The following ABI3BP variants were observed in gnomAD, a reference collection of about 807,000 sequenced individuals.
ABI3BP encodes target of Nesh-SH3.
Under a neutral mutation model 268.6 loss-of-function variants are expected in ABI3BP, and 216 were observed. The ratio of observed to expected loss-of-function variants is 0.80; its 90% confidence interval spans 0.72 to 0.90. ABI3BP has a LOEUF of 0.90. Ranked by LOEUF, ABI3BP falls within the 40% of genes least tolerant of loss-of-function variation. The pLI is 0.00. For synonymous variants in ABI3BP, 730 were observed against 730.0 expected (o/e 1.00, Z 0.00); for missense variants, 2,090 against 2,182.4 (o/e 0.96, Z 0.84).
intron 1 of ABI3BP, among the ~76,000 whole-genome samples, chr3:100,933,590 GA>G (rs914766486): frequency 1.3e-3 from 144 of 111,998 alleles, no homozygotes; most frequent in Admixed American, 3.9e-3. Flanking sequence ...GAACTAACAA[GA>G]AAAAAAAAAG....
At position 100,955,411 on chromosome 3, in the gene ABI3BP, T is replaced by A. The variant is rs557756648; in HGVS notation, c.80-28930A>T. Among the ~76,000 whole-genome samples the A allele has an allele frequency of 2.0e-5, 3 of 152,362 alleles. No individual in the cohort carries two copies. In the South Asian group the frequency reaches 6.2e-4, roughly 32 times the overall value. On this transcript the variant is annotated intron_variant, in intron 1 of 67. Transcript: ENST00000471714. ...CAACATGTTCATTGGGACTATTTTT[T>A]TGCCCTGTAAATGATATTGGATGAT... is the stretch of plus-strand genomic sequence containing the variant.
chr3:100,958,998 C>T (rs2595893), intron 1 of ABI3BP, among the ~76,000 whole-genome samples: 131,864 of 152,186 alleles, frequency 0.87, 57,240 homozygotes, highest in East Asian at 1. Flanking sequence ...GAGCATAAAC[C>T]TAACCCCACG....
intron 66 of ABI3BP, 87 bp from the exon 67 acceptor site, chr3:100,751,761 TTTC>T: frequency 7.5e-7 from 1 of 1,332,818 alleles, no homozygotes; most frequent in Non-Finnish European, 1.0e-6. Context: ...GTTTTTGTAC[TTTC>T]TCCCCTCATT....
At chr3:100,912,547 A>AT (rs1418725003) in intron 2 of ABI3BP, among the ~76,000 whole-genome samples, 1 of 152,118 alleles carries the variant, frequency 6.6e-6, no homozygotes, top group Non-Finnish European at 1.5e-5. Flanking sequence ...CACCCACAGA[A>AT]TTAAAAAAAA....
At chr3:100,975,938 C>T (rs956710741) in intron 1 of ABI3BP, among the ~76,000 whole-genome samples, 1 of 152,118 alleles carries the variant, frequency 6.6e-6, no homozygotes, top group Non-Finnish European at 1.5e-5. Context: ...CCTGACTGGC[C>T]GAGGAACTGG....
intron 1 of ABI3BP, among the ~76,000 whole-genome samples, chr3:100,961,324 G>A (rs922478645): frequency 6.6e-6 from 1 of 152,170 alleles, no homozygotes; most frequent in Admixed American, 6.5e-5. Context: ...AGCAAGAAAT[G>A]CTCTCTCCCA....
At chr3:100,981,550 A>G (rs958692915) in intron 1 of ABI3BP, among the ~76,000 whole-genome samples, 6 of 152,228 alleles carry the variant, frequency 3.9e-5, no homozygotes, top group Non-Finnish European at 8.8e-5. Flanking sequence ...AGACTGCAGC[A>G]GGCATCCAGG....
chr3:100,934,278 C>T (rs1224431456), intron 1 of ABI3BP, among the ~76,000 whole-genome samples: 1 of 151,990 alleles, frequency 6.6e-6, no homozygotes, highest in Non-Finnish European at 1.5e-5. Flanking sequence ...TGATGGTTTC[C>T]AGCATCATCC....
intron 15 of ABI3BP, 34 bp downstream of exon 15, chr3:100,851,841 G>A: frequency 1.3e-6 from 2 of 1,534,030 alleles, no homozygotes; most frequent in South Asian, 2.5e-5. Flanking sequence ...GGAACACCTG[G>A]GATCCAAAGA....
At chr3:100,884,271 T>TA (rs201463888) in intron 6 of ABI3BP, among the ~76,000 whole-genome samples, 1,704 of 150,604 alleles carry the variant, frequency 0.011, 42 homozygotes, top group African/African-American at 0.039. Context: ...ACAGACAAGT[T>TA]AAAAAAAAGA....
intron 15 of ABI3BP, among the ~76,000 whole-genome samples, chr3:100,851,578 C>T (rs556686613): frequency 1.3e-5 from 2 of 152,314 alleles, no homozygotes; most frequent in African/African-American, 4.8e-5. Context: ...CCTCTAGAAA[C>T]TCGAAGACCT....
intron 4 of ABI3BP, among the ~76,000 whole-genome samples, chr3:100,891,759 A>G (rs966019533): frequency 6.6e-6 from 1 of 152,190 alleles, no homozygotes; most frequent in African/African-American, 2.4e-5. Flanking sequence ...CCACTTGCAT[A>G]TTCACTTATA....
intron 60 of ABI3BP, 29 bp downstream of exon 60, chr3:100,775,178 A>G (rs2150089053): frequency 2.5e-6 from 4 of 1,609,170 alleles, no homozygotes; most frequent in Non-Finnish European, 3.4e-6. Context: ...ACAGCTAAGT[A>G]TCCAGTGAGA....
chr3:100,858,531 G>T (rs1415381512), intron 14 of ABI3BP, among the ~76,000 whole-genome samples: 1 of 152,182 alleles, frequency 6.6e-6, no homozygotes, highest in African/African-American at 2.4e-5. Context: ...GAATGGTACA[G>T]AAATCTTTTT....
chr3:100,851,885 A>G lies in ABI3BP; in HGVS notation c.1341T>C (p.Asp447=). The G allele has an allele frequency of 1.9e-6, 3 of 1,594,668 alleles. No homozygotes were observed. Among genetic ancestry groups the G allele is most frequent in the South Asian group, 1.2e-5 (1 of 86,788 alleles). The change falls in exon 15 of 68, where the codon GAT becomes GAC. Residue 447 remains aspartate, a synonymous_variant. Transcript: ENST00000471714. ...PTTSDEPEIS[D]SYTATSDRIL... Reference sequence around the variant, plus strand: ...AGAGGCCAGATATACCTGTGTAGGAATCTGATATCTCAGGCTCATCTGATG... The same window carrying G: ...AGAGGCCAGATATACCTGTGTAGGAGTCTGATATCTCAGGCTCATCTGATG...
At chr3:100,861,696 G>GAA (rs5851228) in intron 14 of ABI3BP, among the ~76,000 whole-genome samples, 6,767 of 142,650 alleles carry the variant, frequency 0.047, 532 homozygotes, top group African/African-American at 0.17. Flanking sequence ...TTCTCCACAG[G>GAA]AAAAAAAAAA....
intron 26 of ABI3BP, 109 bp downstream of exon 26, chr3:100,838,101 T>G: frequency 8.0e-7 from 1 of 1,256,254 alleles, no homozygotes; most frequent in Non-Finnish European, 1.1e-6. Context: ...TGAACAAAAT[T>G]ATGGTATTTG....
At chr3:100,986,450 TAAGAAAA>T (rs1309995628) in intron 1 of ABI3BP, among the ~76,000 whole-genome samples, 9 of 152,160 alleles carry the variant, frequency 5.9e-5, no homozygotes, top group Non-Finnish European at 1.2e-4. Context: ...ACATTTGTTA[TAAGAAAA>T]AGATAACTAA....
At position 100,749,567 on chromosome 3, in the gene ABI3BP, T is replaced by TAGTTACAAAG; in HGVS notation, c.*927_*928insCTTTGTAACT. ...TTTATTACAGATTGAATTAAACAGTTACAAAGACATTCTCTGATACATTCA... is the reference window on the plus strand; with the variant it reads ...TTTATTACAGATTGAATTAAACAGTTAGTTACAAAGACAAAGACATTCTCTGATACATTCA... On this transcript the variant is annotated 3_prime_UTR_variant, in exon 68 of 68. Coordinates refer to ENST00000471714, the MANE Select transcript of ABI3BP (RefSeq NM_001375547.2). The TAGTTACAAAG allele has an allele frequency of 2.5e-6, 1 of 397,484 alleles. No homozygotes were observed. Among genetic ancestry groups the TAGTTACAAAG allele is most frequent in the Non-Finnish European group, 4.4e-6 (1 of 225,418 alleles). The allele number at this position is 397,484 out of a possible 1,614,324, so 24.6% of individuals were successfully genotyped here.
Sources: allele counts gnomAD v4.1 joint callset (sites outside exome capture counted in the v4.1 genomes callset), GRCh38; gene constraint gnomAD v4.1.1; transcripts MANE v1.5; gene names NCBI Gene and HGNC (gene_info 2026-07-23, HGNC 2026-07-21).